The following ZW10 variants were observed in gnomAD, a reference collection of about 807,000 sequenced individuals.
The protein encoded by ZW10 is centromere/kinetochore protein zw10 homolog.
ZW10 carries 53 observed loss-of-function variants against 87.8 expected under a neutral mutation model. The ratio of observed to expected loss-of-function variants is 0.60; its 90% CI spans 0.48 to 0.76. The LOEUF (loss-of-function observed/expected upper bound fraction) is 0.76, where lower values mean the gene tolerates loss of function less well. ZW10 is among the 30% of genes least tolerant of loss of function. The probability of loss-of-function intolerance (pLI) is 0.00; values close to 1 mark genes in which losing one functional copy is unlikely to be tolerated. For synonymous variants in ZW10, 312 were observed against 329.2 expected, an observed-to-expected ratio of 0.95 and a Z score of 0.57; for missense variants, 837 against 923.0, an observed-to-expected ratio of 0.91 and a Z score of 1.21.
intron 11 of ZW10, 130 bp from the exon 12 acceptor site, chr11:113,739,512 A>G: frequency 1.3e-6 from 1 of 781,748 alleles, no homozygotes; most frequent in East Asian, 2.9e-5. Context: ...GCTATACATA[A>G]CAAGATACAA....
chr11:113,754,448 A>G (rs1447342577), intron 7 of ZW10, among the ~76,000 whole-genome samples: 2 of 151,890 alleles, frequency 1.3e-5, no homozygotes, highest in South Asian at 2.1e-4. Context: ...TCATGCCACT[A>G]TACTCCAGCC....
intron 2 of ZW10, among the ~76,000 whole-genome samples, chr11:113,766,673 C>CAAA (rs34081366): frequency 6.5e-4 from 18 of 27,580 alleles, no homozygotes; most frequent in East Asian, 1.3e-3. Flanking sequence ...GACTCCATCT[C>CAAA]AAAAAAAAAA....
intron 7 of ZW10, among the ~76,000 whole-genome samples, chr11:113,754,898 T>C (rs1953767357): frequency 6.6e-6 from 1 of 152,082 alleles, no homozygotes; most frequent in Non-Finnish European, 1.5e-5. Context: ...ACCGTGGCCT[T>C]CCAAAGCTCT....
At chr11:113,746,096 A>G (rs1953673580) in intron 9 of ZW10, among the ~76,000 whole-genome samples, 1 of 152,244 alleles carries the variant, frequency 6.6e-6, no homozygotes, top group Non-Finnish European at 1.5e-5. Flanking sequence ...AATATCCCAT[A>G]GGACAGTCCC....
intron 8 of ZW10, among the ~76,000 whole-genome samples, 200 bp downstream of exon 8, chr11:113,748,057 T>C (rs897788105): frequency 6.6e-6 from 1 of 152,126 alleles, no homozygotes; most frequent in Non-Finnish European, 1.5e-5. Context: ...GAAAATATAT[T>C]TAGTAAGGAA....
intron 2 of ZW10, among the ~76,000 whole-genome samples, chr11:113,761,467 G>C (rs1329398112): frequency 2.0e-5 from 3 of 152,086 alleles, no homozygotes; most frequent in Non-Finnish European, 2.9e-5. Flanking sequence ...TTTTGATAGA[G>C]ATGGAGTTCT....
intron 2 of ZW10, among the ~76,000 whole-genome samples, chr11:113,762,869 G>A (rs1275992174): frequency 2.0e-5 from 3 of 152,136 alleles, no homozygotes; most frequent in Non-Finnish European, 2.9e-5. Context: ...CACACTATAC[G>A]CTGTAGAAAA....
intron 7 of ZW10, 62 bp from the exon 8 acceptor site, chr11:113,748,482 AG>A: frequency 7.1e-7 from 1 of 1,400,052 alleles, no homozygotes; most frequent in South Asian, 1.5e-5. Flanking sequence ...GAATATTCTT[AG>A]GTTTTCTAGA....
intron 7 of ZW10, among the ~76,000 whole-genome samples, chr11:113,748,680 C>T (rs565730843): frequency 2.0e-5 from 3 of 152,252 alleles, no homozygotes; most frequent in Non-Finnish European, 4.4e-5. Context: ...ACATTATAAT[C>T]ATCTAGTGCT....
In ZW10 at chr11:113,736,715, T is replaced by C; in HGVS notation, c.2124A>G (p.Lys708=). 1.9e-6 allele frequency: 3 copies of C among 1,614,228 alleles called. 1 individual carries two copies. The Admixed American group carries it at 5.0e-5, about 27-fold the overall frequency. ...CATAGACTGGAACCTCTTCTTGATA[T>C]TTCTTGTTCTTGCTTTCTTCAGATA... ...APLSEESKNK[K]YQEEVPVYVP... is the part of the protein sequence containing the mutation. The change falls in exon 15 of 16, where the codon AAA becomes AAG. Residue 708 remains lysine (K), a synonymous_variant. Coordinates refer to ENST00000200135, the MANE Select transcript of ZW10 (RefSeq NM_004724.4).
intron 7 of ZW10, among the ~76,000 whole-genome samples, chr11:113,753,135 C>G (rs541147743): frequency 2.0e-5 from 3 of 152,090 alleles, no homozygotes; most frequent in Admixed American, 2.0e-4. Context: ...AGGTATTAGG[C>G]CTAGTACCCA....
chr11:113,772,241 T>C (rs1953974912), intron 1 of ZW10, among the ~76,000 whole-genome samples: 4 of 152,188 alleles, frequency 2.6e-5, no homozygotes, highest in African/African-American at 2.4e-5. Flanking sequence ...GAAAGGCATG[T>C]TGGGTCCAGA....
chr11:113,749,728 T>C (rs1431038382), intron 7 of ZW10, among the ~76,000 whole-genome samples: 1 of 152,228 alleles, frequency 6.6e-6, no homozygotes, highest in Non-Finnish European at 1.5e-5. Flanking sequence ...AAAGCAGCAG[T>C]ATAAAATACT....
chr11:113,741,837 G>A (rs1359653734), intron 10 of ZW10, 72 bp from the exon 11 acceptor site: 1 of 1,052,552 alleles, frequency 9.5e-7, no homozygotes, highest in East Asian at 2.5e-5. Context: ...TTTAAACTAA[G>A]TGCATCTTCA....
At chr11:113,752,731 C>G (rs936707592) in intron 7 of ZW10, among the ~76,000 whole-genome samples, 3 of 152,222 alleles carry the variant, frequency 2.0e-5, no homozygotes, top group Non-Finnish European at 4.4e-5. Flanking sequence ...ACCCTTTCCA[C>G]TCATGTCTCT....
At chr11:113,770,212 C>A (rs965665465) in intron 1 of ZW10, among the ~76,000 whole-genome samples, 11 of 151,166 alleles carry the variant, frequency 7.3e-5, no homozygotes, top group Admixed American at 4.0e-4. Flanking sequence ...CCTCAGCCTC[C>A]CAAGTAGCTG....
intron 1 of ZW10, among the ~76,000 whole-genome samples, chr11:113,770,785 T>A (rs574549118): frequency 1.0e-4 from 15 of 148,480 alleles, no homozygotes; most frequent in Admixed American, 5.4e-4. Context: ...GCCACTGCAT[T>A]CCAGCCTGGG....
chr11:113,759,905 T>C (rs545117446), intron 5 of ZW10, among the ~76,000 whole-genome samples: 1 of 152,256 alleles, frequency 6.6e-6, no homozygotes, highest in Admixed American at 6.5e-5. Context: ...CTTAATGTGG[T>C]CGCAAATTGC....
chr11:113,766,093 A>G (rs1251123538), intron 2 of ZW10, among the ~76,000 whole-genome samples: 1 of 152,210 alleles, frequency 6.6e-6, no homozygotes, highest in African/African-American at 2.4e-5. Flanking sequence ...GAAACTTTCC[A>G]GGCACGGTGA....
Sources: gnomAD v4.1 joint callset for allele counts (sites outside exome capture counted in the v4.1 genomes callset) on GRCh38, gnomAD v4.1.1 for gene constraint, MANE v1.5 for transcripts, NCBI Gene and HGNC (gene_info 2026-07-23, HGNC 2026-07-21) for gene names.